Variants in NSMCE2 observed in about 807,000 individuals in gnomAD.
NSMCE2 encodes the protein E3 SUMO-protein ligase NSE2.
A neutral mutation model predicts 23.8 loss-of-function variants in NSMCE2; 24 were observed. The observed-to-expected ratio is 1.01, with a 90% CI of 0.73 to 1.42. The LOEUF (loss-of-function observed/expected upper bound fraction) is 1.42. Ranked by LOEUF, NSMCE2 falls within the 40% of genes most tolerant of loss-of-function variation. The probability of loss-of-function intolerance (pLI) is 0.00; values close to 1 mark genes in which losing one functional copy is unlikely to be tolerated. For synonymous variants in NSMCE2, 92 were observed against 94.1 expected (o/e 0.98, Z 0.13); for missense variants, 284 against 296.5 (o/e 0.96, Z 0.31).
At chr8:125,275,206 C>T (rs1218387110) in intron 5 of NSMCE2, among the ~76,000 whole-genome samples, 2 of 151,966 alleles carry the variant, frequency 1.3e-5, no homozygotes, top group Non-Finnish European at 2.9e-5. Flanking sequence ...ATGTCTTTCT[C>T]TCACTCCATT....
chr8:125,363,327 ACT>A (rs1813638087), intron 7 of NSMCE2: 1 of 151,628 alleles, frequency 6.6e-6, no homozygotes, highest in African/African-American at 2.4e-5. Flanking sequence ...ACATGGTGAA[ACT>A]CTGTCTCTAC....
chr8:125,362,108 CGAGGCCTGAAGGGCT>C (rs1204868147), intron 7 of NSMCE2, among the ~76,000 whole-genome samples: 1 of 152,162 alleles, frequency 6.6e-6, no homozygotes. Context: ...GCCGCTCCTG[CGAGGCCTGAAGGGCT>C]GACTCCTGCA....
At chr8:125,133,389 G>A (rs1320886860) in intron 3 of NSMCE2, among the ~76,000 whole-genome samples, 1 of 152,104 alleles carries the variant, frequency 6.6e-6, no homozygotes, top group East Asian at 1.9e-4. Flanking sequence ...TGTAAAATGG[G>A]AAAACAGCTG....
chr8:125,313,316 G>A (rs1166588588), intron 5 of NSMCE2, among the ~76,000 whole-genome samples: 1 of 152,198 alleles, frequency 6.6e-6, no homozygotes, highest in Admixed American at 6.5e-5. Context: ...GGAGAGTGGT[G>A]AGATAAGATC....
At chr8:125,208,125 AC>A (rs1258694866) in intron 5 of NSMCE2, among the ~76,000 whole-genome samples, 10 of 152,128 alleles carry the variant, frequency 6.6e-5, no homozygotes, top group East Asian at 3.8e-4. Context: ...AACATCATTG[AC>A]TGTATGTGTG....
intron 4 of NSMCE2, among the ~76,000 whole-genome samples, chr8:125,166,482 G>A (rs1437740190): frequency 6.6e-6 from 1 of 152,116 alleles, no homozygotes; most frequent in Non-Finnish European, 1.5e-5. Flanking sequence ...GACCAGGCTG[G>A]CCTCAAACTC....
chr8:125,263,761 A>G (rs1215678468), intron 5 of NSMCE2, among the ~76,000 whole-genome samples: 2 of 149,110 alleles, frequency 1.3e-5, no homozygotes, highest in African/African-American at 4.9e-5. Context: ...AAAAAAAACA[A>G]AAAAAAAAAG....
intron 4 of NSMCE2, among the ~76,000 whole-genome samples, chr8:125,170,372 A>ATTCC (rs1265769860): frequency 8.1e-5 from 2 of 24,620 alleles, no homozygotes; most frequent in Non-Finnish European, 1.9e-4. Flanking sequence ...CTTACTCTTT[A>ATTCC]TTTCTTTTTT....
At chr8:125,307,853 C>T (rs574554401) in intron 5 of NSMCE2, among the ~76,000 whole-genome samples, 3 of 152,332 alleles carry the variant, frequency 2.0e-5, no homozygotes, top group Admixed American at 6.5e-5. Flanking sequence ...GCACTGTGAG[C>T]TGGATCTCAC....
rs184359451 is a variant in NSMCE2, at chr8:125,209,818, G to T, written c.418+27562G>T. Among the ~76,000 whole-genome samples, 704 of 152,176 alleles carry T rather than the reference G, an allele frequency of 4.6e-3. 4 individuals carry two copies. Among genetic ancestry groups the T allele is most frequent in the African/African-American group, 0.016 (682 of 41,494 alleles). On this transcript the variant is annotated intron_variant, in intron 5 of 7. Coordinates refer to ENST00000287437, the MANE Select transcript of NSMCE2 (RefSeq NM_173685.4). ...ATTTATTTTCAATGACAAGAAATTG[G>T]GAGAATTTATAATAGCTCTTATCAT...
chr8:125,093,210 A>AC (rs1221137097), intron 1 of NSMCE2, among the ~76,000 whole-genome samples: 1 of 152,204 alleles, frequency 6.6e-6, no homozygotes, highest in Non-Finnish European at 1.5e-5. Flanking sequence ...GTGGAATGGC[A>AC]AAGCAGCTAT....
At chr8:125,146,821 C>T (rs1820701981) in intron 3 of NSMCE2, among the ~76,000 whole-genome samples, 1 of 151,942 alleles carries the variant, frequency 6.6e-6, no homozygotes, top group Admixed American at 6.6e-5. Context: ...GGGTGCAGCA[C>T]ACCAACATGG....
intron 3 of NSMCE2, among the ~76,000 whole-genome samples, chr8:125,114,765 GCATA>G (rs1818915886): frequency 6.6e-6 from 1 of 152,172 alleles, no homozygotes; most frequent in Admixed American, 6.5e-5. Flanking sequence ...ACTAATGTAT[GCATA>G]CATACATACA....
At chr8:125,166,308 C>G (rs2130746503) in intron 4 of NSMCE2, among the ~76,000 whole-genome samples, 2 of 152,274 alleles carry the variant, frequency 1.3e-5, no homozygotes, top group Middle Eastern at 6.8e-3. Context: ...CGCTCTGTCA[C>G]CAGGCTGGAG....
In NSMCE2 at chr8:125,357,739, A is replaced by G; in HGVS notation, c.547A>G (p.Lys183Glu). The stretch of plus-strand genomic sequence containing the variant: ...GGAAATGAAGAAGCCAGTGAAAAAT[A>G]AAGTGTGTGGCCACACCTATGAAGA... ...KEEMKKPVKNKVCGHTYEEDA... is the reference protein window; with the variant it reads ...KEEMKKPVKNEVCGHTYEEDA... Residue 183 changes from lysine to glutamate, a missense_variant, in exon 7 of 8, where the codon AAA becomes GAA. Physicochemically the swap from Lys to Glu is moderately conservative, Grantham distance 56. Around this residue, in one of 2 missense-constraint regions of NSMCE2, gnomAD observed 102 missense variants for 141.0 expected, o/e 0.72. Transcript: ENST00000287437. 1 of 1,613,994 alleles carries G rather than the reference A, an allele frequency of 6.2e-7. No homozygotes were observed. Among genetic ancestry groups the G allele is most frequent in the Non-Finnish European group, 8.5e-7 (1 of 1,179,826 alleles).
intron 5 of NSMCE2, among the ~76,000 whole-genome samples, chr8:125,230,816 C>T (rs867248774): frequency 2.0e-5 from 3 of 152,108 alleles, no homozygotes; most frequent in Admixed American, 2.0e-4. Flanking sequence ...AAAGAAAAAT[C>T]ATCTTCAAGA....
chr8:125,135,304 A>G (rs1291194180), intron 3 of NSMCE2, among the ~76,000 whole-genome samples: 1 of 152,124 alleles, frequency 6.6e-6, no homozygotes, highest in East Asian at 1.9e-4. Flanking sequence ...TCCCACCTCA[A>G]CTTCTCAAGT....
chr8:125,365,868 ATTAAT>A (rs1813765348), intron 7 of NSMCE2, among the ~76,000 whole-genome samples: 1 of 152,100 alleles, frequency 6.6e-6, no homozygotes, highest in African/African-American at 2.4e-5. Flanking sequence ...AAATAAATAA[ATTAAT>A]TAAATTAAAT....
chr8:125,256,296 A>C (rs902008779), intron 5 of NSMCE2, among the ~76,000 whole-genome samples: 29 of 152,038 alleles, frequency 1.9e-4, no homozygotes, highest in African/African-American at 6.3e-4. Flanking sequence ...AAAAAAAAAA[A>C]AACTAACTGA....
Sources: gnomAD v4.1 joint callset for allele counts (sites outside exome capture counted in the v4.1 genomes callset) on GRCh38, gnomAD v4.1.1 for gene constraint, gnomAD v4.1.1 regional missense constraint, MANE v1.5 for transcripts, NCBI Gene and HGNC (gene_info 2026-07-23, HGNC 2026-07-21) for gene names.